TMEM117: variants seen among roughly 807,000 people sequenced by gnomAD.
TMEM117 encodes transmembrane protein 117.
A neutral mutation model predicts 52.4 loss-of-function variants in TMEM117; 27 were observed. The observed-to-expected ratio is 0.51, with a 90% confidence interval of 0.38 to 0.71. The LOEUF (loss-of-function observed/expected upper bound fraction) is 0.71. Ranked by LOEUF, TMEM117 falls within the 30% of genes least tolerant of loss-of-function variation. The pLI, the probability that TMEM117 is intolerant of heterozygous loss-of-function variation, is 0.00. For synonymous variants in TMEM117, 215 were observed against 206.3 expected (o/e 1.04, Z -0.36); for missense variants, 556 against 630.5 (o/e 0.88, Z 1.26).
At chr12:44,171,013 C>CTTTTT (rs757855409) in intron 4 of TMEM117, among the ~76,000 whole-genome samples, 4 of 132,140 alleles carry the variant, frequency 3.0e-5, no homozygotes, top group East Asian at 4.2e-4. Context: ...TAACAAATAT[C>CTTTTT]TTTTTTTTTT....
chr12:44,339,207 CT>C (rs1316193899), intron 6 of TMEM117, among the ~76,000 whole-genome samples: 2 of 152,030 alleles, frequency 1.3e-5, no homozygotes, highest in African/African-American at 4.8e-5. Flanking sequence ...GCCCAATCTG[CT>C]TCATTTCTAC....
intron 4 of TMEM117, among the ~76,000 whole-genome samples, chr12:44,186,549 G>C (rs1949280717): frequency 2.0e-5 from 3 of 152,106 alleles, no homozygotes. Context: ...GAAAGGGATA[G>C]GTGAAAATGA....
intron 5 of TMEM117, among the ~76,000 whole-genome samples, chr12:44,281,460 T>G (rs535465463): frequency 2.0e-5 from 3 of 152,318 alleles, no homozygotes; most frequent in Admixed American, 2.0e-4. Flanking sequence ...GACATACTCT[T>G]GTTCTTAGCC....
chr12:44,039,084 G>A (rs1320976109), intron 3 of TMEM117, among the ~76,000 whole-genome samples: 1 of 152,102 alleles, frequency 6.6e-6, no homozygotes, highest in Non-Finnish European at 1.5e-5. Flanking sequence ...TAATGCAGTT[G>A]AATTCCTAAG....
chr12:44,007,075 T>A (rs1275226533), intron 3 of TMEM117, among the ~76,000 whole-genome samples: 2 of 152,192 alleles, frequency 1.3e-5, no homozygotes, highest in African/African-American at 4.8e-5. Context: ...TGATGGGTAG[T>A]GCATGTACCT....
intron 6 of TMEM117, among the ~76,000 whole-genome samples, chr12:44,333,120 T>A (rs1951294685): frequency 6.6e-6 from 1 of 152,018 alleles, no homozygotes; most frequent in Admixed American, 6.6e-5. Context: ...ACCCAGACAA[T>A]TTATAGATCT....
intron 5 of TMEM117, among the ~76,000 whole-genome samples, chr12:44,296,380 G>A (rs887664334): frequency 6.6e-6 from 1 of 152,086 alleles, no homozygotes. Flanking sequence ...GTGTTTTTAG[G>A]TCTCTCTCCA....
At chr12:44,130,527 G>C (rs1948397296) in intron 3 of TMEM117, among the ~76,000 whole-genome samples, 1 of 152,090 alleles carries the variant, frequency 6.6e-6, no homozygotes, top group South Asian at 2.1e-4. Flanking sequence ...TTTTTGGTGA[G>C]GGGGTTTTGA....
At chr12:43,915,598 G>C (rs151022605) in intron 2 of TMEM117, among the ~76,000 whole-genome samples, 2 of 152,244 alleles carry the variant, frequency 1.3e-5, no homozygotes, top group East Asian at 3.9e-4. Flanking sequence ...CTTAGTCCCA[G>C]GCCAGTGACT....
chr12:44,319,810 AT>A (rs1555151733), intron 6 of TMEM117, among the ~76,000 whole-genome samples: 2 of 151,916 alleles, frequency 1.3e-5, no homozygotes, highest in African/African-American at 2.4e-5. Context: ...AAAATTACCT[AT>A]TTTTTTTCTT....
intron 3 of TMEM117, among the ~76,000 whole-genome samples, chr12:43,966,602 C>T (rs1166524127): frequency 6.6e-6 from 1 of 152,180 alleles, no homozygotes; most frequent in Non-Finnish European, 1.5e-5. Flanking sequence ...AGTTTTCATA[C>T]TCACTTGTAA....
rs546302653 is a variant in TMEM117 at position 43,888,813 on chromosome 12, G to A, written c.277+43885G>A. ...TCCGCCCACCTCGGCCTCCCAAAGTGCTGGGATTACAGGTGTGAGCCACCA... is the reference window on the plus strand; with the variant it reads ...TCCGCCCACCTCGGCCTCCCAAAGTACTGGGATTACAGGTGTGAGCCACCA... On this transcript the variant is annotated intron_variant, in intron 2 of 7. Transcript: ENST00000266534. Among the ~76,000 whole-genome samples, 16 of 152,192 alleles carry A rather than the reference G, an allele frequency of 1.1e-4. No individual in the cohort carries two copies. In the East Asian group the frequency reaches 3.1e-3, roughly 29 times the overall value.
At position 44,260,129 on chromosome 12, in the gene TMEM117, C is replaced by A. The variant is rs555946571; in HGVS notation, c.609-39451C>A. ...AGAAGCGTCTTTCCATGACACTTAG[C>A]TCTTCTGTCCAGAAGACCTGCCTTG... On this transcript the variant is annotated intron_variant, in intron 5 of 7. Transcript: ENST00000266534. 7.2e-5 allele frequency among the ~76,000 whole-genome samples: 11 copies of A among 152,316 alleles called. No individual in the cohort carries two copies. In the East Asian group the frequency reaches 1.9e-3, roughly 27 times the overall value.
intron 3 of TMEM117, among the ~76,000 whole-genome samples, chr12:44,054,447 A>C (rs568235093): frequency 2.4e-4 from 37 of 152,294 alleles, no homozygotes; most frequent in South Asian, 8.3e-4. Flanking sequence ...TTGAAATTCA[A>C]CTGAACTGTG....
intron 3 of TMEM117, among the ~76,000 whole-genome samples, chr12:43,973,682 A>G (rs57781916): frequency 0.058 from 8,826 of 152,280 alleles, 391 homozygotes; most frequent in African/African-American, 0.12. Context: ...AGATTATCAT[A>G]TACTTACTGT....
At chr12:43,901,599 T>A (rs1359295362) in intron 2 of TMEM117, among the ~76,000 whole-genome samples, 3 of 151,948 alleles carry the variant, frequency 2.0e-5, no homozygotes, top group Non-Finnish European at 2.9e-5. Flanking sequence ...GCGTGAGCCA[T>A]CACACCTGGC....
intron 3 of TMEM117, among the ~76,000 whole-genome samples, chr12:43,969,285 CTGAGGTGGG>C (rs1424227885): frequency 6.9e-6 from 1 of 144,916 alleles, no homozygotes; most frequent in Non-Finnish European, 1.5e-5. Flanking sequence ...CTTCGGGAGA[CTGAGGTGGG>C]TGGATCACGA....
chr12:44,076,669 TAATC>T (rs771132177), intron 3 of TMEM117, among the ~76,000 whole-genome samples: 32 of 152,216 alleles, frequency 2.1e-4, no homozygotes, highest in Admixed American at 3.9e-4. Flanking sequence ...TATATTTGAG[TAATC>T]AGTGTCCACA....
chr12:44,079,821 G>T (rs933298907), intron 3 of TMEM117, among the ~76,000 whole-genome samples: 3 of 151,882 alleles, frequency 2.0e-5, no homozygotes, highest in African/African-American at 7.3e-5. Context: ...TTCAAGACCA[G>T]CCTGGCCAAC....
Sources: allele counts gnomAD v4.1 joint callset (sites outside exome capture counted in the v4.1 genomes callset), GRCh38; gene constraint gnomAD v4.1.1; transcripts MANE v1.5; gene names NCBI Gene and HGNC (gene_info 2026-07-23, HGNC 2026-07-21).